The following C2orf92 variants were observed in gnomAD, a reference collection of about 807,000 sequenced individuals.
C2orf92 encodes the protein chromosome 2 open reading frame 92.
exon 1 of C2orf92, chr2:97,664,311 C>T (rs1675131674): frequency 6.6e-6 from 1 of 152,670 alleles, no homozygotes; most frequent in Non-Finnish European, 1.5e-5. Context: ...TGGAAATTCA[C>T]CGGTCCAGGA....
At chr2:97,671,119 T>C (rs1392669851) in intron 1 of C2orf92, 1 of 159,610 alleles carries the variant, frequency 6.3e-6, no homozygotes. Flanking sequence ...GCCTGGCTAA[T>C]TTACTAAACT....
At chr2:97,701,515 G>T (rs965767493) in intron 7 of C2orf92, among the ~76,000 whole-genome samples, 1 of 152,210 alleles carries the variant, frequency 6.6e-6, no homozygotes, top group Non-Finnish European at 1.5e-5. Flanking sequence ...TGCACAGCCG[G>T]GTTTGGGGAT....
At chr2:97,667,274 T>C (rs566586993), upstream of C2orf92, among the ~76,000 whole-genome samples, 4 of 150,842 alleles carry the variant, frequency 2.7e-5, no homozygotes, top group East Asian at 7.7e-4. Flanking sequence ...TTTTATTTTT[T>C]TTTTTTTTGA....
intron 1 of C2orf92, among the ~76,000 whole-genome samples, chr2:97,673,896 G>A (rs953723683): frequency 2.0e-5 from 3 of 152,142 alleles, no homozygotes; most frequent in African/African-American, 7.2e-5. Flanking sequence ...AGGAGGGTGG[G>A]CTTGGTTCCT....
chr2:97,671,909 A>C, intron 1 of C2orf92: 3 of 158,398 alleles, frequency 1.9e-5, no homozygotes, highest in East Asian at 1.8e-4. Context: ...CACACCCCAC[A>C]TCAGATTTTG....
In C2orf92 at chr2:97,702,942, T is replaced by A; in HGVS notation, c.*141T>A. 1 of 396,182 alleles carries A rather than the reference T, an allele frequency of 2.5e-6. No homozygotes were observed. Among genetic ancestry groups the A allele is most frequent in the Non-Finnish European group, 4.4e-6 (1 of 224,972 alleles). 24.5% of individuals were successfully genotyped at this position (396,182 alleles called of 1,614,324 possible). A position where few individuals can be genotyped will look rare whatever the true frequency, so the allele number is the denominator to read the frequency against. On this transcript the variant is annotated 3_prime_UTR_variant, in exon 8 of 8. Coordinates refer to ENST00000627399, the MANE Select transcript of C2orf92 (RefSeq NM_001351368.2). ...CGTCTGCTTCCCATCCCAATTTGAA[T>A]GGACCAAGAAAAACTGCTTTACCAT...
chr2:97,703,029 T>C lies in C2orf92; in HGVS notation c.*228T>C. 2 of 365,812 alleles carry C rather than the reference T, an allele frequency of 5.5e-6. No individual in the cohort carries two copies. The highest frequency in any genetic ancestry group is 9.7e-6 in the Non-Finnish European group (2 of 206,356). The allele number at this position is 365,812 out of a possible 1,614,324, so 22.7% of individuals were successfully genotyped here. A position where few individuals can be genotyped will look rare whatever the true frequency, so the allele number is the denominator to read the frequency against. On this transcript the variant is annotated 3_prime_UTR_variant, in exon 8 of 8. Transcript: ENST00000627399. ...TCGGTGAACCCGACAGACTATGGAT[T>C]TATCATTTAATAAAGCATTGATTCA... is the stretch of plus-strand genomic sequence containing the variant.
intron 5 of C2orf92, among the ~76,000 whole-genome samples, chr2:97,691,665 C>G (rs17028924): frequency 6.6e-6 from 1 of 152,254 alleles, no homozygotes; most frequent in African/African-American, 2.4e-5. Flanking sequence ...GTTCCCGGGC[C>G]GCACCATGCA....
At chr2:97,693,341 C>T (rs2104590621) in intron 5 of C2orf92, among the ~76,000 whole-genome samples, 2 of 152,216 alleles carry the variant, frequency 1.3e-5, no homozygotes, top group Middle Eastern at 6.8e-3. Flanking sequence ...GGATATGTAT[C>T]CAGAAGTGGG....
intron 3 of C2orf92, among the ~76,000 whole-genome samples, chr2:97,684,828 A>G (rs1675898965): frequency 6.6e-6 from 1 of 152,260 alleles, no homozygotes; most frequent in Non-Finnish European, 1.5e-5. Flanking sequence ...AAGAAGATAT[A>G]CAAATGGCCA....
rs563275551 is a variant in C2orf92 at position 97,681,064 on chromosome 2, G to A, written c.232+5136G>A. ...AGAGGTTGCAGTGAGCCGAGATGGC[G>A]CCACTGCACTCCAGCACAGGAGACA... On this transcript the variant is annotated intron_variant, in intron 3 of 7. Transcript: ENST00000627399. 7.7e-5 allele frequency among the ~76,000 whole-genome samples: 10 copies of A among 130,326 alleles called. No homozygotes were observed. The South Asian group carries it at 1.4e-3, about 18-fold the overall frequency. 85.5% of individuals were successfully genotyped at this position (130,326 alleles called of 152,430 possible). A position where few individuals can be genotyped will look rare whatever the true frequency, so the allele number is the denominator to read the frequency against.
At chr2:97,678,065 T>C (rs1269026131) in intron 3 of C2orf92, among the ~76,000 whole-genome samples, 1 of 151,952 alleles carries the variant, frequency 6.6e-6, no homozygotes, top group African/African-American at 2.4e-5. Context: ...CAGGGCGTGG[T>C]GGTGGGTGCC....
At chr2:97,694,308 T>G (rs996280594) in intron 5 of C2orf92, 2 of 151,700 alleles carry the variant, frequency 1.3e-5, no homozygotes, top group African/African-American at 4.8e-5. Flanking sequence ...GGCGCGATCT[T>G]GGCTCACTGC....
intron 7 of C2orf92, among the ~76,000 whole-genome samples, chr2:97,702,432 G>A (rs1424381725): frequency 5.3e-5 from 8 of 152,100 alleles, no homozygotes; most frequent in Admixed American, 1.3e-4. Flanking sequence ...CCCTCCCATA[G>A]GGACCAGTCA....
At chr2:97,688,723 G>A (rs1676041508) in intron 3 of C2orf92, among the ~76,000 whole-genome samples, 172 bp from the exon 4 acceptor site, 1 of 152,118 alleles carries the variant, frequency 6.6e-6, no homozygotes, top group South Asian at 2.1e-4. Flanking sequence ...AAATGATTTA[G>A]GTAATTGGAG....
At chr2:97,690,909 G>C (rs1314702257) in intron 5 of C2orf92, 1 of 151,890 alleles carries the variant, frequency 6.6e-6, no homozygotes, top group Non-Finnish European at 1.5e-5. Flanking sequence ...CTCCCAAGTA[G>C]CTGGGACTAC....
intron 3 of C2orf92, among the ~76,000 whole-genome samples, chr2:97,682,836 T>C (rs1425617581): frequency 6.6e-6 from 1 of 151,956 alleles, no homozygotes; most frequent in Non-Finnish European, 1.5e-5. Flanking sequence ...AATAAAAGCC[T>C]GTTTGAAAAA....
At position 97,669,732 on chromosome 2, in the gene C2orf92, T is replaced by C. The variant is rs764083925; in HGVS notation, c.-57T>C. The stretch of plus-strand genomic sequence containing the variant: ...TACCCTGGAGTCCACAGCTGCTGAA[T>C]CTGAAGGGCCATCAGAAGACTGGCT... On this transcript the variant is annotated 5_prime_UTR_variant, in exon 1 of 8. Coordinates refer to ENST00000627399, the MANE Select transcript of C2orf92 (RefSeq NM_001351368.2). The C allele has an allele frequency of 2.5e-6, 1 of 398,498 alleles. No homozygotes were observed. The highest frequency in any genetic ancestry group is 4.4e-5 in the Admixed American group (1 of 22,712). 24.7% of individuals were successfully genotyped at this position (398,498 alleles called of 1,614,324 possible).
chr2:97,666,562 G>C (rs181658941), upstream of C2orf92, among the ~76,000 whole-genome samples: 41 of 147,578 alleles, frequency 2.8e-4, no homozygotes, highest in African/African-American at 9.8e-4. Flanking sequence ...ATGGGGTTGA[G>C]ATGGGCACGG....
Sources: allele counts gnomAD v4.1 joint callset (sites outside exome capture counted in the v4.1 genomes callset), GRCh38; gene constraint gnomAD v4.1.1; transcripts MANE v1.5; gene names NCBI Gene and HGNC (gene_info 2026-07-23, HGNC 2026-07-21).